TTLL11: variants seen among roughly 807,000 people sequenced by gnomAD.
TTLL11 encodes the protein tubulin polyglutamylase TTLL11.
Under a neutral mutation model 51.7 loss-of-function variants are expected in TTLL11, and 42 were observed. The ratio of observed to expected loss-of-function variants is 0.81; its 90% CI spans 0.64 to 1.05. The LOEUF is 1.05. Among genes scored for constraint, TTLL11 ranks in the 50% least tolerant of loss-of-function variants. The probability of loss-of-function intolerance (pLI) is 0.00; values close to 1 mark genes in which losing one functional copy is unlikely to be tolerated. For synonymous variants in TTLL11, 381 were observed against 383.5 expected (o/e 0.99, Z 0.08); for missense variants, 799 against 940.4 (o/e 0.85, Z 1.97).
intron 6 of TTLL11, among the ~76,000 whole-genome samples, chr9:121,917,475 A>AGAAAGAAAAGAAAAG (rs140393467): frequency 0.44 from 59,444 of 136,386 alleles, 14,196 homozygotes; most frequent in East Asian, 0.7. Flanking sequence ...CACTGTTGAA[A>AGAAAGAAAAGAAAAG]GAAAGAAAAG....
At chr9:121,831,766 A>T (rs1396927265) in intron 8 of TTLL11, among the ~76,000 whole-genome samples, 1 of 151,892 alleles carries the variant, frequency 6.6e-6, no homozygotes. Flanking sequence ...GTGGGTGATC[A>T]AGAGCCTTTG....
intron 1 of TTLL11, among the ~76,000 whole-genome samples, chr9:122,091,942 A>G (rs1000555654): frequency 1.3e-5 from 2 of 152,228 alleles, no homozygotes; most frequent in Non-Finnish European, 2.9e-5. Flanking sequence ...CACATGCCGT[A>G]AGCCAAGCCT....
intron 6 of TTLL11, among the ~76,000 whole-genome samples, chr9:121,950,231 T>A (rs1841811948): frequency 6.6e-6 from 1 of 152,070 alleles, no homozygotes; most frequent in African/African-American, 2.4e-5. Flanking sequence ...CCTCAAATGA[T>A]GTTGGGATCT....
At chr9:121,928,919 A>T (rs1462532551) in intron 6 of TTLL11, among the ~76,000 whole-genome samples, 1 of 152,192 alleles carries the variant, frequency 6.6e-6, no homozygotes, top group African/African-American at 2.4e-5. Context: ...AGATTATTTT[A>T]AAAACTTTTA....
At chr9:121,868,914 A>C (rs912702754) in intron 7 of TTLL11, among the ~76,000 whole-genome samples, 1 of 152,264 alleles carries the variant, frequency 6.6e-6, no homozygotes, top group African/African-American at 2.4e-5. Context: ...TGAACTAGGC[A>C]TCAGGCCAGC....
chr9:122,061,419 A>G (rs1250662975), intron 1 of TTLL11, among the ~76,000 whole-genome samples: 1 of 152,228 alleles, frequency 6.6e-6, no homozygotes, highest in African/African-American at 2.4e-5. Context: ...TCCATTACAC[A>G]GAACACTGTA....
chr9:121,833,038 G>A lies in TTLL11; in HGVS notation c.1841-10159C>T, dbSNP rs190020131. On this transcript the variant is annotated intron_variant, in intron 8 of 8. Transcript: ENST00000321582. The stretch of plus-strand genomic sequence containing the variant: ...CAGTCATTTAGAACAAAACAATACC[G>A]GCCTTGCAGCGAATGAGGGATGGAG... 5.3e-5 allele frequency among the ~76,000 whole-genome samples: 8 copies of A among 152,132 alleles called. No individual in the cohort carries two copies. The East Asian group carries it at 7.7e-4, about 15-fold the overall frequency.
chr9:122,010,039 T>A (rs1166599272), intron 3 of TTLL11, among the ~76,000 whole-genome samples: 1 of 152,196 alleles, frequency 6.6e-6, no homozygotes, highest in Non-Finnish European at 1.5e-5. Context: ...TCATTAAACC[T>A]GTATAAATAG....
At chr9:121,859,087 A>C (rs1837919291) in intron 8 of TTLL11, among the ~76,000 whole-genome samples, 1 of 151,804 alleles carries the variant, frequency 6.6e-6, no homozygotes, top group African/African-American at 2.4e-5. Flanking sequence ...CATAATGCCT[A>C]CTGCACTGGT....
intron 3 of TTLL11, among the ~76,000 whole-genome samples, chr9:121,992,806 C>G (rs903194311): frequency 1.3e-5 from 2 of 152,162 alleles, no homozygotes; most frequent in Non-Finnish European, 2.9e-5. Context: ...TTTACTGCCC[C>G]CTAGTGGACA....
intron 8 of TTLL11, among the ~76,000 whole-genome samples, chr9:121,857,516 G>C (rs772105750): frequency 6.6e-6 from 1 of 152,164 alleles, no homozygotes; most frequent in Admixed American, 6.5e-5. Flanking sequence ...AAGGCCTGGC[G>C]TGAGAATTTG....
intron 3 of TTLL11, among the ~76,000 whole-genome samples, chr9:122,028,559 G>C (rs12335360): frequency 0.044 from 6,650 of 152,210 alleles, 172 homozygotes; most frequent in African/African-American, 0.073. Flanking sequence ...GAACTAAAAA[G>C]AGAAGCAGAC....
chr9:121,933,692 A>G (rs1841081550), intron 6 of TTLL11, among the ~76,000 whole-genome samples: 1 of 151,748 alleles, frequency 6.6e-6, no homozygotes, highest in African/African-American at 2.4e-5. Flanking sequence ...AAACAACAAA[A>G]AAAGTTAAAA....
chr9:121,866,625 A>G (rs1319712953), intron 7 of TTLL11, among the ~76,000 whole-genome samples: 1 of 148,454 alleles, frequency 6.7e-6, no homozygotes, highest in Non-Finnish European at 1.5e-5. Context: ...GCACCACTGT[A>G]CTTCAGCCTG....
At chr9:122,082,453 C>T (rs778166395) in intron 1 of TTLL11, among the ~76,000 whole-genome samples, 2 of 134,304 alleles carry the variant, frequency 1.5e-5, no homozygotes, top group African/African-American at 2.9e-5. Context: ...AGTGAGCCAA[C>T]ATAGTGCCAT....
chr9:121,859,278 C>A (rs766537361), intron 8 of TTLL11, among the ~76,000 whole-genome samples: 2 of 151,634 alleles, frequency 1.3e-5, no homozygotes, highest in Non-Finnish European at 2.9e-5. Flanking sequence ...ATCACTTGAG[C>A]TCAGGAGTTC....
At chr9:122,022,929 A>G (rs1844221224) in intron 3 of TTLL11, among the ~76,000 whole-genome samples, 1 of 151,972 alleles carries the variant, frequency 6.6e-6, no homozygotes, top group Admixed American at 6.5e-5. Flanking sequence ...ATAAAATAGT[A>G]CTATATAACT....
At chr9:121,931,683 C>T (rs1710250771) in intron 6 of TTLL11, among the ~76,000 whole-genome samples, 1 of 151,926 alleles carries the variant, frequency 6.6e-6, no homozygotes, top group South Asian at 2.1e-4. Flanking sequence ...ATGCCTTAAT[C>T]CCTCAGAGCA....
chr9:122,081,407 A>C (rs1362961433), intron 1 of TTLL11, among the ~76,000 whole-genome samples: 1 of 152,226 alleles, frequency 6.6e-6, no homozygotes, highest in Non-Finnish European at 1.5e-5. Context: ...TAACCCCCTA[A>C]GTACCATGAT....
Sources: allele counts gnomAD v4.1 joint callset (sites outside exome capture counted in the v4.1 genomes callset), GRCh38; gene constraint gnomAD v4.1.1; transcripts MANE v1.5; gene names NCBI Gene and HGNC (gene_info 2026-07-23, HGNC 2026-07-21).